FAM13B: variants seen among roughly 807,000 people sequenced by gnomAD.
FAM13B encodes family with sequence similarity 13 member B.
Under a neutral mutation model 117.3 loss-of-function variants are expected in FAM13B, and 60 were observed. That is an observed-to-expected ratio of 0.51 (90% CI 0.42 to 0.63). The LOEUF (loss-of-function observed/expected upper bound fraction) is 0.63, where lower values mean the gene tolerates loss of function less well. Among genes scored for constraint, FAM13B ranks in the 30% least tolerant of loss-of-function variants. The pLI is 0.00. For missense variants in FAM13B, 972 were observed against 1,091.9 expected, an observed-to-expected ratio of 0.89 and a Z score of 1.55; for synonymous variants, 332 against 356.1, an observed-to-expected ratio of 0.93 and a Z score of 0.76.
chr5:138,014,223 C>CGTGGGGA (rs1339662474), intron 4 of FAM13B, among the ~76,000 whole-genome samples: 1 of 152,232 alleles, frequency 6.6e-6, no homozygotes, highest in Non-Finnish European at 1.5e-5. Flanking sequence ...AGGCGTGAGT[C>CGTGGGGA]CCCACGCCCA....
intron 1 of FAM13B, among the ~76,000 whole-genome samples, chr5:138,021,601 A>C (rs1367339782): frequency 6.6e-6 from 1 of 152,238 alleles, no homozygotes; most frequent in Non-Finnish European, 1.5e-5. Context: ...ATATGATTTA[A>C]GCTTGCTACT....
chr5:138,009,094 C>T (rs1783291534), intron 6 of FAM13B, among the ~76,000 whole-genome samples: 1 of 152,158 alleles, frequency 6.6e-6, no homozygotes, highest in Non-Finnish European at 1.5e-5. Context: ...GAGCCAAGAT[C>T]GCACCACTGC....
intron 1 of FAM13B, among the ~76,000 whole-genome samples, chr5:138,021,677 A>C (rs546934179): frequency 2.6e-5 from 4 of 152,324 alleles, no homozygotes; most frequent in African/African-American, 9.6e-5. Context: ...CCTAATTTAG[A>C]GAAGCGATAG....
intron 7 of FAM13B, among the ~76,000 whole-genome samples, chr5:137,997,631 C>A (rs1398313572): frequency 6.6e-6 from 1 of 152,046 alleles, no homozygotes; most frequent in Non-Finnish European, 1.5e-5. Flanking sequence ...CTAGGCTGCT[C>A]ACACCCCAAA....
Position 138,033,051 on chromosome 5 carries a change from C to G in FAM13B, c.-472G>C, listed in dbSNP as rs1283724498. 7 of 986,574 alleles carry G rather than the reference C, an allele frequency of 7.1e-6. No individual in the cohort carries two copies. The highest frequency in any genetic ancestry group is 1.7e-5 in the African/African-American group (1 of 57,220). 61.1% of individuals were successfully genotyped at this position (986,574 alleles called of 1,614,324 possible). A position where few individuals can be genotyped will look rare whatever the true frequency, so the allele number is the denominator to read the frequency against. On this transcript the variant is annotated 5_prime_UTR_variant, in exon 1 of 24. Transcript: ENST00000689681. ...AGGCGGCGGCTGAGGTGCAGAGCCT[C>G]CCTAACGGCGAGCGGGAGGAGAGCG...
At chr5:138,020,035 A>T in intron 2 of FAM13B, 2 of 957,582 alleles carry the variant, frequency 2.1e-6, no homozygotes, top group South Asian at 4.8e-5. Context: ...ACTTTCAATA[A>T]GAGATGTCCT....
chr5:137,949,175 T>C lies in FAM13B; in HGVS notation c.1940A>G (p.His647Arg). 7 of 1,613,844 alleles carry C rather than the reference T, an allele frequency of 4.3e-6. No homozygotes were observed. The highest frequency in any genetic ancestry group is 5.9e-6 in the Non-Finnish European group (7 of 1,179,830). Residue 647 changes from histidine to arginine, a missense_variant, in exon 18 of 24, where the codon CAC becomes CGC. Transcript: ENST00000689681. Reference protein sequence around the residue: ...KLRKQIKDAKHKNSDGEFVPQ... With the variant: ...KLRKQIKDAKRKNSDGEFVPQ... ...TACAAATTCTCCATCAGAATTTTTG[T>C]GTTTTGCATCTACATGTCAGAAATA...
At chr5:138,035,814 T>A (rs1310979367), upstream of FAM13B, among the ~76,000 whole-genome samples, 4 of 152,280 alleles carry the variant, frequency 2.6e-5, no homozygotes, top group Middle Eastern at 3.4e-3. Flanking sequence ...AGCAGGAAAG[T>A]TGTTAACTTT....
chr5:138,011,072 T>C lies in FAM13B; in HGVS notation c.626A>G (p.Tyr209Cys), dbSNP rs773211673. Residue 209 changes from tyrosine to cysteine, a missense_variant, in exon 6 of 24, where the codon TAT (tyrosine) becomes TGT (cysteine). Coordinates refer to ENST00000689681, the MANE Select transcript of FAM13B (RefSeq NM_001385994.1). Reference protein sequence around the residue: ...RIMAGLLENYYEFFENEEEDF... With the variant: ...RIMAGLLENYCEFFENEEEDF... ...TTCCTCTTCATTCTCAAAAAACTCA[T>C]AGTAGTTTTCCAGAAGTCCAGCCAT... 9.9e-6 allele frequency: 16 copies of C among 1,609,256 alleles called. No individual in the cohort carries two copies. Among genetic ancestry groups the C allele is most frequent in the South Asian group, 2.2e-5 (2 of 90,092 alleles).
intron 10 of FAM13B, among the ~76,000 whole-genome samples, chr5:137,966,482 T>TAGAGAGAGAGAGAGAG (rs1244957354): frequency 5.6e-5 from 3 of 53,872 alleles, no homozygotes; most frequent in South Asian, 8.3e-4. Context: ...TATATATATA[T>TAGAGAGAGAGAGAGAG]ATATATAGAG....
chr5:137,948,940 A>G lies in FAM13B; in HGVS notation c.2160+15T>C. The stretch of plus-strand genomic sequence containing the variant: ...CTAAAGGCTAATCTGGGCAAAAATC[A>G]TAGCTCAAGATTACCTTGATATCTT... On this transcript the variant is annotated intron_variant, in intron 18 of 23. Transcript: ENST00000689681. 3 of 1,601,342 alleles carry G rather than the reference A, an allele frequency of 1.9e-6. No homozygotes were observed. The highest frequency in any genetic ancestry group is 2.6e-6 in the Non-Finnish European group (3 of 1,170,252).
chr5:137,991,477 T>C (rs1778588146), intron 7 of FAM13B, among the ~76,000 whole-genome samples: 3 of 152,238 alleles, frequency 2.0e-5, no homozygotes. Context: ...ATGTCATCCA[T>C]GGACCACTTG....
chr5:138,024,293 G>C (rs1581280456), intron 1 of FAM13B, among the ~76,000 whole-genome samples: 1 of 152,058 alleles, frequency 6.6e-6, no homozygotes, highest in Admixed American at 6.6e-5. Context: ...ATAAGAAGAG[G>C]ACAAGATACA....
At chr5:137,970,969 G>T (rs1024220610) in intron 10 of FAM13B, among the ~76,000 whole-genome samples, 1 of 151,838 alleles carries the variant, frequency 6.6e-6, no homozygotes, top group African/African-American at 2.4e-5. Context: ...AGCAAGTCCT[G>T]AGTGACCTAC....
At chr5:137,966,488 T>TATATATATATAGAGAGAGAGAG (rs1461425784) in intron 10 of FAM13B, among the ~76,000 whole-genome samples, 1 of 29,480 alleles carries the variant, frequency 3.4e-5, no homozygotes, top group Non-Finnish European at 6.1e-5. Context: ...TATATATATA[T>TATATATATATAGAGAGAGAGAG]AGAGAGAGAG....
chr5:138,029,760 T>C (rs957354096), intron 1 of FAM13B, among the ~76,000 whole-genome samples: 1 of 152,206 alleles, frequency 6.6e-6, no homozygotes, highest in African/African-American at 2.4e-5. Context: ...TACTTTTCAA[T>C]TGTAAAGAGC....
chr5:138,050,366 G>C (rs1203471996), intron 1 of FAM13B, among the ~76,000 whole-genome samples: 4 of 152,202 alleles, frequency 2.6e-5, no homozygotes, highest in Non-Finnish European at 4.4e-5. Flanking sequence ...GAACCCGGGA[G>C]GCGGAGGTTG....
In FAM13B at chr5:137,973,546, T is replaced by C. The variant is rs369032526; in HGVS notation, c.1180-11077A>G. ...GGCATTACCATTCAGGACATAGGCA[T>C]GGGCAAGGACTTCATGTCTAAAACA... On this transcript the variant is annotated intron_variant, in intron 10 of 23. Transcript: ENST00000689681. Among the ~76,000 whole-genome samples, 6 of 152,276 alleles carry C rather than the reference T, an allele frequency of 3.9e-5. No individual in the cohort carries two copies. In the South Asian group the frequency reaches 1.2e-3, roughly 32 times the overall value.
At chr5:137,964,314 T>A (rs1369973216) in intron 10 of FAM13B, among the ~76,000 whole-genome samples, 1 of 151,894 alleles carries the variant, frequency 6.6e-6, no homozygotes, top group Non-Finnish European at 1.5e-5. Context: ...TTTCGGCATG[T>A]TGGCCAGGCT....
Sources: gnomAD v4.1 joint callset for allele counts (sites outside exome capture counted in the v4.1 genomes callset) on GRCh38, gnomAD v4.1.1 for gene constraint, MANE v1.5 for transcripts, NCBI Gene and HGNC (gene_info 2026-07-23, HGNC 2026-07-21) for gene names.